The following DNAH9 variants were observed in gnomAD, a reference collection of about 807,000 sequenced individuals.
DNAH9 encodes the protein dynein axonemal heavy chain 9, also known as DNAH9 variant protein.
Under a neutral mutation model 471.6 loss-of-function variants are expected in DNAH9, and 345 were observed. The observed-to-expected ratio is 0.73, with a 90% CI of 0.67 to 0.80. The LOEUF is 0.80. Ranked by LOEUF, DNAH9 falls within the 30% of genes least tolerant of loss-of-function variation. The probability of loss-of-function intolerance (pLI) is 0.00; values close to 1 mark genes in which losing one functional copy is unlikely to be tolerated. For synonymous variants in DNAH9, 2,093 were observed against 2,123.6 expected (o/e 0.99, Z 0.40); for missense variants, 5,407 against 5,609.2 (o/e 0.96, Z 1.15).
chr17:11,683,385 A>T (rs1358442411), intron 19 of DNAH9, among the ~76,000 whole-genome samples: 2 of 152,044 alleles, frequency 1.3e-5, no homozygotes, highest in Admixed American at 6.6e-5. Flanking sequence ...TGTTGGTCAG[A>T]CTGGTCCCGA....
At chr17:11,716,576 C>A (rs1401333827) in intron 26 of DNAH9, among the ~76,000 whole-genome samples, 1 of 152,128 alleles carries the variant, frequency 6.6e-6, no homozygotes, top group Non-Finnish European at 1.5e-5. Context: ...TGACATTTCC[C>A]CCAAAAGATA....
chr17:11,902,715 C>T lies in DNAH9; in HGVS notation c.11407-4C>T. 6.2e-7 allele frequency: 1 copy of T among 1,606,932 alleles called. No homozygotes were observed. The highest frequency in any genetic ancestry group is 8.5e-7 in the Non-Finnish European group (1 of 1,176,512). ...TGCATTTCAGATTCTCTGAAATTTCCCAGGTACTTTCATCAATGGAAGAAT... is the reference window on the plus strand; with the variant it reads ...TGCATTTCAGATTCTCTGAAATTTCTCAGGTACTTTCATCAATGGAAGAAT... On this transcript the variant is annotated splice_region_variant and splice_polypyrimidine_tract_variant and intron_variant, in intron 59 of 68. Transcript: ENST00000262442.
intron 44 of DNAH9, among the ~76,000 whole-genome samples, chr17:11,808,406 G>C (rs1859888): frequency 0.68 from 103,900 of 151,966 alleles, 35,696 homozygotes; most frequent in African/African-American, 0.71. Flanking sequence ...TGTCCAGTCC[G>C]CTTTGTTTTA....
chr17:11,788,466 T>A (rs1968950861), intron 41 of DNAH9, among the ~76,000 whole-genome samples: 1 of 152,214 alleles, frequency 6.6e-6, no homozygotes, highest in Non-Finnish European at 1.5e-5. Context: ...GAAAACATTC[T>A]CAATATATCC....
intron 33 of DNAH9, among the ~76,000 whole-genome samples, chr17:11,755,926 G>A (rs776686075): frequency 7.9e-5 from 12 of 152,096 alleles, no homozygotes; most frequent in South Asian, 2.1e-4. Context: ...GGTGAAAGGC[G>A]CGTCTTACAT....
intron 32 of DNAH9, 61 bp downstream of exon 32, chr17:11,747,827 T>C: frequency 7.1e-7 from 1 of 1,417,250 alleles, no homozygotes; most frequent in Non-Finnish European, 9.9e-7. Context: ...TGTGGCGGGC[T>C]TGGATGCAGT....
intron 48 of DNAH9, among the ~76,000 whole-genome samples, chr17:11,833,984 C>T (rs1970754153): frequency 6.6e-6 from 1 of 152,082 alleles, no homozygotes; most frequent in African/African-American, 2.4e-5. Context: ...GCTTTATAAG[C>T]AATAGCTACC....
chr17:11,790,062 T>C (rs1486367355), intron 41 of DNAH9, among the ~76,000 whole-genome samples: 1 of 152,076 alleles, frequency 6.6e-6, no homozygotes, highest in Non-Finnish European at 1.5e-5. Flanking sequence ...CTATATGGAT[T>C]TATTCCTTTG....
At chr17:11,957,078 G>A (rs1251037871) in intron 67 of DNAH9, among the ~76,000 whole-genome samples, 5 of 151,750 alleles carry the variant, frequency 3.3e-5, no homozygotes, top group Non-Finnish European at 7.4e-5. Flanking sequence ...GGATGGAAGG[G>A]GAGATATCAT....
intron 61 of DNAH9, among the ~76,000 whole-genome samples, chr17:11,914,090 CCTT>C (rs1244425175): frequency 1.3e-5 from 2 of 152,126 alleles, no homozygotes; most frequent in African/African-American, 4.8e-5. Context: ...GATTACACTT[CCTT>C]CTTTTTGATC....
chr17:11,730,834 CTGA>C lies in DNAH9; in HGVS notation c.5814+2924_5814+2926del, dbSNP rs59288290. 3.1e-3 allele frequency among the ~76,000 whole-genome samples: 466 copies of C among 149,704 alleles called. 1 individual carries two copies. Among genetic ancestry groups the C allele is most frequent in the African/African-American group, 9.7e-3 (396 of 40,638 alleles). On this transcript the variant is annotated intron_variant, in intron 28 of 68. Coordinates refer to ENST00000262442, the MANE Select transcript of DNAH9 (RefSeq NM_001372.4). The stretch of plus-strand genomic sequence containing the variant: ...GATAATTATGCTAATGATGGTGATG[CTGA>C]TGATGATGATGGCGGTGGTAGTGGT...
rs144377299 is a variant in DNAH9, at chr17:11,839,854, T to C, written c.9507+4956T>C. 1.1e-3 allele frequency among the ~76,000 whole-genome samples: 174 copies of C among 152,342 alleles called. 1 individual carries two copies. The highest frequency in any genetic ancestry group is 4.0e-3 in the African/African-American group (166 of 41,580). ...ACCACCTCACATAGTTATATTTATGTATGTACAGTGAGAGCACCTAAAATC... is the reference window on the plus strand; with the variant it reads ...ACCACCTCACATAGTTATATTTATGCATGTACAGTGAGAGCACCTAAAATC... On this transcript the variant is annotated intron_variant, in intron 49 of 68. Coordinates refer to ENST00000262442, the MANE Select transcript of DNAH9 (RefSeq NM_001372.4).
In DNAH9 at chr17:11,685,236, G is replaced by A. The variant is rs558278582; in HGVS notation, c.3744-4330G>A. 4.6e-5 allele frequency among the ~76,000 whole-genome samples: 7 copies of A among 152,222 alleles called. No individual in the cohort carries two copies. In the South Asian group the frequency reaches 1.5e-3, roughly 32 times the overall value. On this transcript the variant is annotated intron_variant, in intron 19 of 68. Transcript: ENST00000262442. The stretch of plus-strand genomic sequence containing the variant: ...GTGAGCCAGAGCCAGTGGCAAGTAA[G>A]AGCTGTTTCAGGGGGAAAAAAAACA...
intron 49 of DNAH9, among the ~76,000 whole-genome samples, chr17:11,836,355 T>C (rs1970851061): frequency 6.6e-6 from 1 of 152,230 alleles, no homozygotes; most frequent in Non-Finnish European, 1.5e-5. Context: ...TAAAATTATA[T>C]TTAATGTGAG....
In DNAH9 at chr17:11,694,421, C is replaced by T. The variant is rs747820209; in HGVS notation, c.4846C>T (p.Leu1616Phe). ...CTCCTCCTCCGATCTGTTAGACATC[C>T]TTTCCAACGGCACAGCTCCACAACA... ...FLSSSDLLDI[L>F]SNGTAPQQVQ... The change falls in exon 22 of 69, where the codon CTT becomes TTT. Residue 1616 changes from leucine to phenylalanine, a missense_variant. This residue lies in a region of DNAH9 where 4,636 missense variants were observed against 4,900.3 expected (regional missense o/e 0.95). Transcript: ENST00000262442. The T allele has an allele frequency of 6.2e-7, 1 of 1,613,170 alleles. No homozygotes were observed. Among genetic ancestry groups the T allele is most frequent in the African/African-American group, 1.3e-5 (1 of 74,668 alleles).
At chr17:11,879,154 A>C (rs1597781462) in intron 53 of DNAH9, among the ~76,000 whole-genome samples, 1 of 152,208 alleles carries the variant, frequency 6.6e-6, no homozygotes, top group East Asian at 1.9e-4. Context: ...TTCCCATTAC[A>C]AAAGTAATGT....
intron 41 of DNAH9, among the ~76,000 whole-genome samples, chr17:11,790,136 A>G (rs1475881201): frequency 6.6e-6 from 1 of 151,640 alleles, no homozygotes; most frequent in Non-Finnish European, 1.5e-5. Flanking sequence ...TTTTTAATGC[A>G]TTCTGCAGAT....
At chr17:11,705,305 C>T in intron 26 of DNAH9, 120 bp downstream of exon 26, 1 of 814,796 alleles carries the variant, frequency 1.2e-6, no homozygotes, top group Non-Finnish European at 2.0e-6. Flanking sequence ...AGGGAAAGGG[C>T]CTGACTCAAC....
chr17:11,947,235 T>G (rs1198507912), intron 67 of DNAH9, among the ~76,000 whole-genome samples: 2 of 152,218 alleles, frequency 1.3e-5, no homozygotes, highest in Non-Finnish European at 2.9e-5. Context: ...GGGTATTGAC[T>G]TTCACTAACC....
Sources: allele counts gnomAD v4.1 joint callset (sites outside exome capture counted in the v4.1 genomes callset), GRCh38; gene constraint gnomAD v4.1.1; regional missense constraint gnomAD v4.1.1; transcripts MANE v1.5; gene names NCBI Gene and HGNC (gene_info 2026-07-23, HGNC 2026-07-21).